The following SLC43A2 variants were observed in gnomAD, a reference collection of about 807,000 sequenced individuals.
The protein encoded by SLC43A2 is solute carrier family 43 member 2.
Under a neutral mutation model 63.2 loss-of-function variants are expected in SLC43A2, and 38 were observed. That is an observed-to-expected ratio of 0.60 (90% CI 0.46 to 0.79). SLC43A2 has a LOEUF of 0.79. Among genes scored for constraint, SLC43A2 ranks in the 30% least tolerant of loss-of-function variants. The pLI is 0.00. For synonymous variants in SLC43A2, 322 were observed against 331.0 expected, an observed-to-expected ratio of 0.97 and a Z score of 0.30; for missense variants, 644 against 756.2, an observed-to-expected ratio of 0.85 and a Z score of 1.74.
intron 2 of SLC43A2, among the ~76,000 whole-genome samples, chr17:1,623,749 GCT>G (rs1212812601): frequency 8.6e-5 from 11 of 128,348 alleles, no homozygotes; most frequent in Non-Finnish European, 1.7e-4. Flanking sequence ...TCTCCTCCAG[GCT>G]GTACCCTCCT....
At chr17:1,604,725 GC>G (rs1906422407) in intron 5 of SLC43A2, 3 of 1,535,442 alleles carry the variant, frequency 2.0e-6, no homozygotes, top group Non-Finnish European at 2.6e-6. Context: ...AGACCCATCT[GC>G]CCCCTGCCCT....
chr17:1,581,928 T>G (rs936273906), intron 11 of SLC43A2, among the ~76,000 whole-genome samples: 3 of 139,434 alleles, frequency 2.2e-5, no homozygotes, highest in African/African-American at 8.2e-5. Context: ...GCCTCAGCCC[T>G]CCTGAGTAGC....
At chr17:1,612,617 T>C (rs1907224917) in intron 5 of SLC43A2, among the ~76,000 whole-genome samples, 1 of 152,270 alleles carries the variant, frequency 6.6e-6, no homozygotes, top group Non-Finnish European at 1.5e-5. Flanking sequence ...TTCCTGCCTC[T>C]GCCTTCCTTG....
intron 10 of SLC43A2, chr17:1,585,235 C>CT (rs2076083338): frequency 1.0e-6 from 1 of 994,496 alleles, no homozygotes; most frequent in Admixed American, 5.5e-5. Context: ...TTACTCAATG[C>CT]TTCTTCTTTA....
At chr17:1,585,394 G>T in intron 10 of SLC43A2, 1 of 364,138 alleles carries the variant, frequency 2.7e-6, no homozygotes, top group Non-Finnish European at 4.5e-6. Flanking sequence ...GGCGCGCGCC[G>T]CCACCGCACC....
In SLC43A2 at chr17:1,576,724, C is replaced by T. The variant is rs201508686; in HGVS notation, c.1425-4G>A. ...GCCGAACTGGGTGGAGGGGTACCTGCAGGGCAAGCGACAGCTCACAGCCAT... is the reference window on the plus strand; with the variant it reads ...GCCGAACTGGGTGGAGGGGTACCTGTAGGGCAAGCGACAGCTCACAGCCAT... On this transcript the variant is annotated splice_polypyrimidine_tract_variant and splice_region_variant and intron_variant, in intron 12 of 13. Coordinates refer to ENST00000301335, the MANE Select transcript of SLC43A2 (RefSeq NM_152346.3). 138 of 1,608,512 alleles carry T rather than the reference C, an allele frequency of 8.6e-5. 2 individuals are homozygous for T. The East Asian group carries it at 2.8e-3, about 32-fold the overall frequency.
chr17:1,579,552 C>T (rs1263747656), intron 11 of SLC43A2, among the ~76,000 whole-genome samples: 1 of 151,568 alleles, frequency 6.6e-6, no homozygotes, highest in African/African-American at 2.4e-5. Flanking sequence ...AAACTCATCA[C>T]TTCCTGGCCT....
rs144037525 is a variant in SLC43A2 at position 1,605,090 on chromosome 17, G to A, written c.501+8105C>T. ...CTCACCACCACACTCACAGGTGGGAGTGCAAGCCCCTCTTCCCGCCCTCAG... is the reference window on the plus strand; with the variant it reads ...CTCACCACCACACTCACAGGTGGGAATGCAAGCCCCTCTTCCCGCCCTCAG... On this transcript the variant is annotated intron_variant, in intron 5 of 13. Transcript: ENST00000301335. The surrounding 1 kb of genome is among the most constrained non-coding windows in gnomAD (Gnocchi z 4.9). 1 of 1,370,834 alleles carries A rather than the reference G, an allele frequency of 7.3e-7. No homozygotes were observed. 84.9% of individuals were successfully genotyped at this position (1,370,834 alleles called of 1,614,324 possible).
chr17:1,603,557 G>A (rs1221314857), intron 5 of SLC43A2, among the ~76,000 whole-genome samples: 1 of 152,070 alleles, frequency 6.6e-6, no homozygotes, highest in Non-Finnish European at 1.5e-5. Flanking sequence ...GGCCGAGGCA[G>A]GGGATCACCT....
Position 1,606,660 on chromosome 17 carries a change from G to A in SLC43A2, c.501+6535C>T, listed in dbSNP as rs965277389. 4.6e-5 allele frequency among the ~76,000 whole-genome samples: 7 copies of A among 152,258 alleles called. No individual in the cohort carries two copies. Among genetic ancestry groups the A allele is most frequent in the Middle Eastern group, 3.2e-3 (1 of 316 alleles). Reference sequence around the variant, plus strand: ...GTGTTTGTGCTCCAGCCGATGAAGCGAGTGCAAAGGGCTGTACAAACGCGA... The same window carrying A: ...GTGTTTGTGCTCCAGCCGATGAAGCAAGTGCAAAGGGCTGTACAAACGCGA... On this transcript the variant is annotated intron_variant, in intron 5 of 13. Transcript: ENST00000301335. The surrounding 1 kb of genome is among the most constrained non-coding windows in gnomAD (Gnocchi z 4.7).
rs566186492 is a variant in SLC43A2, at chr17:1,627,802, G to A, written c.73C>T (p.Leu25Phe). ...MACTAVLENL[L>F]FSAVLLGWGS... ...CAGCCCAGGAGGACTGCCGAGAAGA[G>A]GAGGTTCTCCAGCACGGCCGTGCAG... The change falls in exon 2 of 14, where the codon CTC becomes TTC. Residue 25 changes from leucine (L) to phenylalanine (F), a missense_variant. Coordinates refer to ENST00000301335, the MANE Select transcript of SLC43A2 (RefSeq NM_152346.3). 31 of 1,597,844 alleles carry A rather than the reference G, an allele frequency of 1.9e-5. No homozygotes were observed. The South Asian group carries it at 2.4e-4, about 12-fold the overall frequency.
At chr17:1,594,071 C>T (rs1357467096) in intron 5 of SLC43A2, among the ~76,000 whole-genome samples, 8 of 152,098 alleles carry the variant, frequency 5.3e-5, no homozygotes, top group Non-Finnish European at 1.0e-4. Flanking sequence ...GTGATCCGCC[C>T]GCCTCGGCCT....
chr17:1,598,645 A>T (rs1242083155), intron 5 of SLC43A2, among the ~76,000 whole-genome samples: 1 of 152,182 alleles, frequency 6.6e-6, no homozygotes, highest in Non-Finnish European at 1.5e-5. Context: ...CTACCTTTTT[A>T]ATCTCAAGCC....
At chr17:1,620,335 T>G (rs1209085223) in intron 2 of SLC43A2, among the ~76,000 whole-genome samples, 1 of 152,096 alleles carries the variant, frequency 6.6e-6, no homozygotes, top group East Asian at 1.9e-4. Flanking sequence ...GCCACTGCAC[T>G]CCAGCCTGGG....
chr17:1,591,724 T>TGC (rs1555538833), intron 6 of SLC43A2, 25 bp from the exon 7 acceptor site: 4 of 220,230 alleles, frequency 1.8e-5, no homozygotes, highest in Non-Finnish European at 3.7e-5. Flanking sequence ...GGGGACGGGG[T>TGC]GGGGGGGGGA....
chr17:1,583,069 ACT>A lies in SLC43A2; in HGVS notation c.1350+133_1350+134del. On this transcript the variant is annotated intron_variant, in intron 11 of 13. Coordinates refer to ENST00000301335, the MANE Select transcript of SLC43A2 (RefSeq NM_152346.3). The surrounding 1 kb of genome is among the most constrained non-coding windows in gnomAD (Gnocchi z 5.5). ...ACTCCAGCCTGAGCAACAGAGTTTG[ACT>A]CTGTCTCAAAAAAATAAAGAAAGTC... The A allele has an allele frequency of 1.0e-6, 1 of 982,828 alleles. No individual in the cohort carries two copies. Among genetic ancestry groups the A allele is most frequent in the Non-Finnish European group, 1.5e-6 (1 of 666,184 alleles). The allele number at this position is 982,828 out of a possible 1,614,324, so 60.9% of individuals were successfully genotyped here. A position where few individuals can be genotyped will look rare whatever the true frequency, so the allele number is the denominator to read the frequency against.
Position 1,607,308 on chromosome 17 carries a change from G to A in SLC43A2, c.501+5887C>T, listed in dbSNP as rs115657373. 2.4e-3 allele frequency among the ~76,000 whole-genome samples: 369 copies of A among 152,296 alleles called. 3 individuals are homozygous for A. Among genetic ancestry groups the A allele is most frequent in the African/African-American group, 8.2e-3 (341 of 41,560 alleles). Reference sequence around the variant, plus strand: ...AGTGCCATTGTGCCCTGAGCTTGGCGTCTCTGGGAGCTGATCCCGACAGTT... The same window carrying A: ...AGTGCCATTGTGCCCTGAGCTTGGCATCTCTGGGAGCTGATCCCGACAGTT... On this transcript the variant is annotated intron_variant, in intron 5 of 13. Transcript: ENST00000301335.
intron 8 of SLC43A2, 24 bp from the exon 9 acceptor site, chr17:1,590,972 C>G: frequency 6.5e-7 from 1 of 1,547,582 alleles, no homozygotes; most frequent in Non-Finnish European, 8.7e-7. Context: ...GTGCGGGGCT[C>G]AGGGCCGGGG....
intron 2 of SLC43A2, 117 bp downstream of exon 2, chr17:1,627,598 T>TA: frequency 9.5e-7 from 1 of 1,049,542 alleles, no homozygotes; most frequent in Non-Finnish European, 1.3e-6. Flanking sequence ...GGCCTTCTGA[T>TA]ACCCTAGAGG....
Sources: gnomAD v4.1 joint callset for allele counts (sites outside exome capture counted in the v4.1 genomes callset) on GRCh38, gnomAD v4.1.1 for gene constraint, Gnocchi (gnomAD v3.1) non-coding constraint, MANE v1.5 for transcripts, NCBI Gene and HGNC (gene_info 2026-07-23, HGNC 2026-07-21) for gene names.